The following MAGI2 variants were observed in gnomAD, a reference collection of about 807,000 sequenced individuals.
The protein encoded by MAGI2 is membrane-associated guanylate kinase, WW and PDZ domain-containing protein 2.
In MAGI2, 35 loss-of-function variants were observed where a neutral mutation model predicts 133.3. The ratio of observed to expected loss-of-function variants is 0.26; its 90% CI spans 0.20 to 0.35. MAGI2 has a LOEUF of 0.35. Among genes scored for constraint, MAGI2 ranks in the 10% least tolerant of loss-of-function variants. The probability of loss-of-function intolerance (pLI) is 1.00; values close to 1 mark genes in which losing one functional copy is unlikely to be tolerated. For missense variants in MAGI2, 1,636 were observed against 1,863.4 expected (o/e 0.88, Z 2.25); for synonymous variants, 729 against 710.6 (o/e 1.03, Z -0.41).
chr7:78,096,162 G>A (rs978774325), intron 20 of MAGI2, among the ~76,000 whole-genome samples: 4 of 152,222 alleles, frequency 2.6e-5, no homozygotes, highest in Non-Finnish European at 5.9e-5. Flanking sequence ...ACATTGTGAA[G>A]GCATGAAGGA....
chr7:79,272,454 A>G (rs1834945613), intron 1 of MAGI2, among the ~76,000 whole-genome samples: 1 of 152,120 alleles, frequency 6.6e-6, no homozygotes, highest in South Asian at 2.1e-4. Context: ...GCTTAGCATA[A>G]TGAATTCTGA....
intron 2 of MAGI2, among the ~76,000 whole-genome samples, chr7:78,664,211 T>G (rs1813288356): frequency 6.6e-6 from 1 of 152,184 alleles, no homozygotes; most frequent in Non-Finnish European, 1.5e-5. Context: ...GGACCCATGT[T>G]GATATATGTA....
chr7:79,121,908 T>C (rs1414849607), intron 1 of MAGI2, among the ~76,000 whole-genome samples: 1 of 152,280 alleles, frequency 6.6e-6, no homozygotes, highest in East Asian at 1.9e-4. Flanking sequence ...TTCTAACATC[T>C]TTCATCAGTA....
At chr7:78,337,070 T>G (rs1434904149) in intron 9 of MAGI2, among the ~76,000 whole-genome samples, 2 of 152,206 alleles carry the variant, frequency 1.3e-5, no homozygotes, top group Admixed American at 6.5e-5. Context: ...GGGAAGCTTT[T>G]TAACTGAAGG....
At chr7:78,649,190 T>C (rs1211865841) in intron 2 of MAGI2, among the ~76,000 whole-genome samples, 1 of 127,828 alleles carries the variant, frequency 7.8e-6, no homozygotes, top group African/African-American at 3.2e-5. Flanking sequence ...TTCACTGTTT[T>C]ATGCCTGTTT....
chr7:79,204,958 A>C (rs1828916702), intron 1 of MAGI2, among the ~76,000 whole-genome samples: 1 of 151,954 alleles, frequency 6.6e-6, no homozygotes, highest in African/African-American at 2.4e-5. Context: ...TAAAGGAATG[A>C]AAAAAGCTTA....
chr7:78,382,037 A>G (rs997853281), intron 6 of MAGI2, among the ~76,000 whole-genome samples: 3 of 152,218 alleles, frequency 2.0e-5, no homozygotes, highest in African/African-American at 7.2e-5. Flanking sequence ...CATGGAAACA[A>G]TCTAAATACC....
intron 2 of MAGI2, among the ~76,000 whole-genome samples, chr7:78,822,077 A>G (rs112317728): frequency 3.3e-5 from 5 of 152,188 alleles, no homozygotes; most frequent in African/African-American, 1.2e-4. Context: ...CTGACCATAT[A>G]TTGAACAGTT....
chr7:79,396,727 G>T (rs1585831796), intron 1 of MAGI2, among the ~76,000 whole-genome samples: 1 of 152,148 alleles, frequency 6.6e-6, no homozygotes, highest in Middle Eastern at 3.4e-3. Flanking sequence ...AAAATTCATG[G>T]GCAGACTGTG....
At chr7:79,073,784 TTC>T (rs777933978) in intron 1 of MAGI2, among the ~76,000 whole-genome samples, 14 of 151,732 alleles carry the variant, frequency 9.2e-5, no homozygotes, top group Middle Eastern at 3.4e-3. Context: ...ATCCTCTCTT[TTC>T]TCTTTTCTTT....
At chr7:79,448,041 T>A (rs1187728753) in intron 1 of MAGI2, among the ~76,000 whole-genome samples, 1 of 151,882 alleles carries the variant, frequency 6.6e-6, no homozygotes, top group Non-Finnish European at 1.5e-5. Context: ...AGGATTTCTA[T>A]GTTGTCAAGT....
rs148710524 is a variant in MAGI2, at chr7:78,609,549, C to A, written c.538+17571G>T. On this transcript the variant is annotated intron_variant, in intron 3 of 21. Transcript: ENST00000354212. Reference sequence around the variant, plus strand: ...CCTACATGCACAAACATGTTTTTAACAAAAGGAGGAGGAAATACTCATGAC... The same window carrying A: ...CCTACATGCACAAACATGTTTTTAAAAAAAGGAGGAGGAAATACTCATGAC... Among the ~76,000 whole-genome samples, 874 of 152,218 alleles carry A rather than the reference C, an allele frequency of 5.7e-3. 10 individuals are homozygous for A. Among genetic ancestry groups the A allele is most frequent in the African/African-American group, 0.015 (619 of 41,532 alleles).
chr7:78,763,014 C>G (rs1824665810), intron 2 of MAGI2, among the ~76,000 whole-genome samples: 1 of 152,150 alleles, frequency 6.6e-6, no homozygotes, highest in Admixed American at 6.6e-5. Context: ...ATAGAGCATT[C>G]TATAGCTTGG....
intron 6 of MAGI2, among the ~76,000 whole-genome samples, chr7:78,370,137 A>G (rs997811751): frequency 6.6e-6 from 1 of 152,110 alleles, no homozygotes; most frequent in African/African-American, 2.4e-5. Flanking sequence ...CACAGTTATC[A>G]AAAGAAAACT....
intron 2 of MAGI2, among the ~76,000 whole-genome samples, chr7:78,782,861 T>C (rs563838142): frequency 6.6e-6 from 1 of 152,298 alleles, no homozygotes; most frequent in South Asian, 2.1e-4. Flanking sequence ...ACTTCAGTGC[T>C]TCTAAACCTT....
At chr7:79,315,421 C>A (rs570396371) in intron 1 of MAGI2, among the ~76,000 whole-genome samples, 1 of 151,210 alleles carries the variant, frequency 6.6e-6, no homozygotes, top group Non-Finnish European at 1.5e-5. Context: ...GTGATCCACC[C>A]GCCTCAGCCC....
chr7:78,582,959 C>A (rs544122599), intron 3 of MAGI2, among the ~76,000 whole-genome samples: 1 of 152,186 alleles, frequency 6.6e-6, no homozygotes, highest in Non-Finnish European at 1.5e-5. Flanking sequence ...GTATTTTCAA[C>A]AGCTACCCCT....
At chr7:78,489,625 T>C (rs1793404658) in intron 6 of MAGI2, 136 bp downstream of exon 6, 2 of 722,800 alleles carry the variant, frequency 2.8e-6, no homozygotes, top group African/African-American at 1.8e-5. Context: ...ATTCTCTCTC[T>C]TATCTGAGCA....
intron 6 of MAGI2, among the ~76,000 whole-genome samples, chr7:78,435,427 C>T (rs1313720326): frequency 1.3e-5 from 2 of 152,112 alleles, no homozygotes; most frequent in East Asian, 1.9e-4. Flanking sequence ...TTCAGCTGTG[C>T]CTGCTTCTCA....
Sources: allele counts gnomAD v4.1 joint callset (sites outside exome capture counted in the v4.1 genomes callset), GRCh38; gene constraint gnomAD v4.1.1; transcripts MANE v1.5; gene names NCBI Gene and HGNC (gene_info 2026-07-23, HGNC 2026-07-21).